The following SACM1L variants were observed in gnomAD, a reference collection of about 807,000 sequenced individuals.
SACM1L encodes the protein phosphatidylinositol-3-phosphatase SAC1.
In SACM1L, 32 loss-of-function variants were observed where a neutral mutation model predicts 89.5. The observed-to-expected ratio is 0.36, with a 90% CI of 0.27 to 0.48. SACM1L has a LOEUF of 0.48. SACM1L is among the 20% of genes least tolerant of loss of function. The probability of loss-of-function intolerance (pLI) is 0.99; values close to 1 mark genes in which losing one functional copy is unlikely to be tolerated. For synonymous variants in SACM1L, 213 were observed against 232.8 expected, an observed-to-expected ratio of 0.92 and a Z score of 0.77; for missense variants, 543 against 708.5, an observed-to-expected ratio of 0.77 and a Z score of 2.65.
Position 45,743,708 on chromosome 3 carries a change from C to T in SACM1L, c.*39C>T, listed in dbSNP as rs201124237. ...GAAAGCGGCTTGGCTTGGAAGATTC[C>T]ATTGTGCAGAACTGGAGTCTTTACT... is the stretch of plus-strand genomic sequence containing the variant. On this transcript the variant is annotated 3_prime_UTR_variant, in exon 20 of 20. Transcript: ENST00000389061. 105 of 1,599,020 alleles carry T rather than the reference C, an allele frequency of 6.6e-5. No individual in the cohort carries two copies. The highest frequency in any genetic ancestry group is 3.1e-5 in the Non-Finnish European group (36 of 1,173,020).
At chr3:45,693,730 T>C (rs779361738) in intron 1 of SACM1L, among the ~76,000 whole-genome samples, 29 of 152,196 alleles carry the variant, frequency 1.9e-4, no homozygotes, top group Non-Finnish European at 4.0e-4. Flanking sequence ...GGTATTGAAA[T>C]GAGTCACTTA....
rs4682797 is a variant in SACM1L at position 45,689,783 on chromosome 3, A to T, written c.32+286A>T. On this transcript the variant is annotated intron_variant, in intron 1 of 19. Coordinates refer to ENST00000389061, the MANE Select transcript of SACM1L (RefSeq NM_014016.5). The stretch of plus-strand genomic sequence containing the variant: ...CCACCGAGCCGGGGTCGGCGTTATG[A>T]TGCGGCCCTTCAGGGCACGCTTGTC... 6 of 575,048 alleles carry T rather than the reference A, an allele frequency of 1.0e-5. No homozygotes were observed. In the South Asian group the frequency reaches 1.3e-4, roughly 12 times the overall value. The allele number at this position is 575,048 out of a possible 1,614,324, so 35.6% of individuals were successfully genotyped here. A position where few individuals can be genotyped will look rare whatever the true frequency, so the allele number is the denominator to read the frequency against.
intron 1 of SACM1L, among the ~76,000 whole-genome samples, chr3:45,693,996 C>T (rs1012054405): frequency 1.3e-5 from 2 of 152,090 alleles, no homozygotes; most frequent in Non-Finnish European, 2.9e-5. Context: ...TGTATATAAG[C>T]TAAAATACCT....
intron 1 of SACM1L, among the ~76,000 whole-genome samples, chr3:45,697,980 G>A (rs925635471): frequency 6.6e-5 from 10 of 152,138 alleles, no homozygotes; most frequent in African/African-American, 2.4e-4. Context: ...TAATATGATA[G>A]CTTGTTTGGT....
Position 45,739,644 on chromosome 3 carries a change from G to A in SACM1L, c.1627G>A (p.Gly543Ser). 6.2e-7 allele frequency: 1 copy of A among 1,613,760 alleles called. No homozygotes were observed. The highest frequency in any genetic ancestry group is 8.5e-7 in the Non-Finnish European group (1 of 1,179,792). The stretch of plus-strand genomic sequence containing the variant: ...GTGCATTATCTGTTTGCTTATGGCT[G>A]GTAAGTCTGCTCCACACATTTGTTT... ...SMCIICLLMA[G>S]DTWTETLAYV... The change falls in exon 19 of 20, where the codon GGT (glycine) becomes AGT (serine). Residue 543 changes from glycine to serine, a missense_variant and splice_region_variant. Around this residue, in one of 2 missense-constraint regions of SACM1L, gnomAD observed 370 missense variants for 527.6 expected, o/e 0.70. Transcript: ENST00000389061.
chr3:45,710,500 CTTTTTT>C (rs11413682), intron 5 of SACM1L, among the ~76,000 whole-genome samples: 8 of 134,142 alleles, frequency 6.0e-5, no homozygotes, highest in African/African-American at 2.2e-4. Flanking sequence ...CCCAGTCTGC[CTTTTTT>C]TTTTTTTTTT....
In SACM1L at chr3:45,705,560, T is replaced by C. The variant is rs1575390457; in HGVS notation, c.205+351T>C. Among the ~76,000 whole-genome samples, 4 of 143,598 alleles carry C rather than the reference T, an allele frequency of 2.8e-5. No homozygotes were observed. The Admixed American group carries it at 3.0e-4, about 11-fold the overall frequency. 94.2% of individuals were successfully genotyped at this position (143,598 alleles called of 152,430 possible). Reference sequence around the variant, plus strand: ...TCTTGTTGCCCAGGCTGGAGTGCAATGGCATGATCTCAGCTCACTGCACCC... The same window carrying C: ...TCTTGTTGCCCAGGCTGGAGTGCAACGGCATGATCTCAGCTCACTGCACCC... On this transcript the variant is annotated intron_variant, in intron 3 of 19. Transcript: ENST00000389061.
chr3:45,705,257 A>G, intron 3 of SACM1L, 48 bp downstream of exon 3: 2 of 1,170,626 alleles, frequency 1.7e-6, no homozygotes, highest in Non-Finnish European at 2.6e-6. Flanking sequence ...TTAGCAAGGT[A>G]GTTAAATTGT....
intron 1 of SACM1L, among the ~76,000 whole-genome samples, chr3:45,692,528 T>C (rs2125678748): frequency 6.6e-6 from 1 of 152,294 alleles, no homozygotes; most frequent in African/African-American, 2.4e-5. Context: ...TTGCTGAAAC[T>C]TGAACTCCTC....
At chr3:45,697,072 CA>C (rs1698144910) in intron 1 of SACM1L, among the ~76,000 whole-genome samples, 1 of 151,900 alleles carries the variant, frequency 6.6e-6, no homozygotes, top group African/African-American at 2.4e-5. Context: ...AGTAAGGTCT[CA>C]AAGAGGGATT....
intron 1 of SACM1L, among the ~76,000 whole-genome samples, chr3:45,694,828 A>C (rs1375385108): frequency 6.6e-6 from 1 of 152,138 alleles, no homozygotes; most frequent in Admixed American, 6.5e-5. Flanking sequence ...GCTCTGGTAG[A>C]TTGTGCTGTG....
At chr3:45,721,967 G>A in intron 8 of SACM1L, 33 bp from the exon 9 acceptor site, 5 of 1,414,942 alleles carry the variant, frequency 3.5e-6, no homozygotes, top group East Asian at 2.3e-5. Flanking sequence ...TGTGTAATCA[G>A]TATAGTTAAT....
At chr3:45,706,982 T>G in intron 4 of SACM1L, 75 bp downstream of exon 4, 1 of 1,382,548 alleles carries the variant, frequency 7.2e-7, no homozygotes, top group Non-Finnish European at 1.0e-6. Context: ...GGTGAGGGTG[T>G]TGTGGAATAC....
chr3:45,743,796 C>A lies in SACM1L; in HGVS notation c.*127C>A. 1 of 941,014 alleles carries A rather than the reference C, an allele frequency of 1.1e-6. No individual in the cohort carries two copies. The highest frequency in any genetic ancestry group is 1.6e-6 in the Non-Finnish European group (1 of 641,854). The allele number at this position is 941,014 out of a possible 1,614,324, so 58.3% of individuals were successfully genotyped here. ...CCTTTATCCAAAAGCACATCTTGTG[C>A]TCCATGCAGGATGATGACAGAATTG... On this transcript the variant is annotated 3_prime_UTR_variant, in exon 20 of 20. Coordinates refer to ENST00000389061, the MANE Select transcript of SACM1L (RefSeq NM_014016.5).
intron 11 of SACM1L, among the ~76,000 whole-genome samples, chr3:45,725,114 A>T (rs1310723616): frequency 1.2e-4 from 18 of 152,136 alleles, no homozygotes; most frequent in African/African-American, 3.4e-4. Context: ...TAAAATCGGG[A>T]AGTGTGATAA....
At chr3:45,692,687 C>T (rs1432953163) in intron 1 of SACM1L, among the ~76,000 whole-genome samples, 2 of 152,162 alleles carry the variant, frequency 1.3e-5, no homozygotes, top group African/African-American at 2.4e-5. Flanking sequence ...CATGTCTTTT[C>T]CTTCACTGAG....
chr3:45,739,210 C>G (rs1041164404), intron 18 of SACM1L, among the ~76,000 whole-genome samples: 35 of 152,122 alleles, frequency 2.3e-4, no homozygotes, highest in Non-Finnish European at 3.8e-4. Context: ...ATTTTTGATG[C>G]TTCTCTCCTT....
chr3:45,724,256 G>A (rs11716028), intron 11 of SACM1L, among the ~76,000 whole-genome samples: 21,798 of 151,246 alleles, frequency 0.14, 1,693 homozygotes, highest in African/African-American at 0.2. Context: ...ATACACCAGA[G>A]TTCCAGTTTC....
At chr3:45,737,673 A>G in intron 15 of SACM1L, 21 bp downstream of exon 15, 1 of 1,581,876 alleles carries the variant, frequency 6.3e-7, no homozygotes, top group Non-Finnish European at 8.6e-7. Context: ...TCTTTAATAT[A>G]GACAAAGTTG....
Sources: gnomAD v4.1 joint callset for allele counts (sites outside exome capture counted in the v4.1 genomes callset) on GRCh38, gnomAD v4.1.1 for gene constraint, gnomAD v4.1.1 regional missense constraint, MANE v1.5 for transcripts, NCBI Gene and HGNC (gene_info 2026-07-23, HGNC 2026-07-21) for gene names.